The following PHF3 variants were observed in gnomAD, a reference collection of about 807,000 sequenced individuals.
The protein encoded by PHF3 is PHD finger protein 3.
Under a neutral mutation model 178.4 loss-of-function variants are expected in PHF3, and 41 were observed. The observed-to-expected ratio is 0.23, with a 90% confidence interval of 0.18 to 0.30. The LOEUF (loss-of-function observed/expected upper bound fraction) is 0.30. PHF3 is among the 10% of genes least tolerant of loss of function. The pLI is 1.00. For synonymous variants in PHF3, 842 were observed against 800.5 expected (o/e 1.05, Z -0.88); for missense variants, 2,346 against 2,398.1 (o/e 0.98, Z 0.45).
rs767776684 is a variant in PHF3 at position 63,694,714 on chromosome 6, C to T, written c.2630C>T (p.Pro877Leu). The part of the protein sequence containing the change: ...RSSEEKSEKI[P>L]KESTTVTCTG... ...TCAGAAGAAAAAAGTGAAAAAATAC[C>T]GAAAGAGTCTACAACTGTTACTTGC... Residue 877 changes from proline (P) to leucine (L), a missense_variant, in exon 6 of 16, where the codon CCG becomes CTG. By Grantham distance (98) the Pro-to-Leu change is moderately conservative. This residue lies in a region of PHF3 where 252 missense variants were observed against 232.0 expected (regional missense o/e 1.09). Transcript: ENST00000262043. The T allele has an allele frequency of 3.8e-6, 6 of 1,595,956 alleles. No homozygotes were observed. Among genetic ancestry groups the T allele is most frequent in the Admixed American group, 3.4e-5 (2 of 57,978 alleles).
At position 63,712,435 on chromosome 6, in the gene PHF3, G is replaced by A. The variant is rs1329968373; in HGVS notation, c.4847G>A (p.Cys1616Tyr). ...QDNQTSNSSP[C>Y]RSNVGKGNID... is the part of the protein sequence containing the mutation. ...AACCAGACTTCAAATAGTTCTCCATGCAGATCTAATGTAGGAAAAGGAAAC... is the reference window on the plus strand; with the variant it reads ...AACCAGACTTCAAATAGTTCTCCATACAGATCTAATGTAGGAAAAGGAAAC... Residue 1616 changes from cysteine (C) to tyrosine (Y), a missense_variant, in exon 16 of 16, where the codon TGC (cysteine) becomes TAC (tyrosine). By Grantham distance (194) the Cys-to-Tyr change is radical. This residue lies in a region of PHF3 where 839 missense variants were observed against 806.9 expected (regional missense o/e 1.04). Transcript: ENST00000262043. 2 of 1,613,864 alleles carry A rather than the reference G, an allele frequency of 1.2e-6. No individual in the cohort carries two copies. The highest frequency in any genetic ancestry group is 1.7e-6 in the Non-Finnish European group (2 of 1,179,952).
chr6:63,713,936 GT>G lies in PHF3; in HGVS notation c.*232del. On this transcript the variant is annotated 3_prime_UTR_variant, in exon 16 of 16. Coordinates refer to ENST00000262043, the MANE Select transcript of PHF3 (RefSeq NM_001370348.2). ...TTATAGGAATTTAATATTTTTAAAA[GT>G]TTTACATTGCTGTATATTCAAAGAT... 1 of 380,436 alleles carries G rather than the reference GT, an allele frequency of 2.6e-6. No individual in the cohort carries two copies. Among genetic ancestry groups the G allele is most frequent in the Non-Finnish European group, 4.6e-6 (1 of 215,426 alleles). 23.6% of individuals were successfully genotyped at this position (380,436 alleles called of 1,614,324 possible). A position where few individuals can be genotyped will look rare whatever the true frequency, so the allele number is the denominator to read the frequency against.
intron 10 of PHF3, among the ~76,000 whole-genome samples, chr6:63,702,959 C>T (rs1257385736): frequency 6.6e-6 from 1 of 152,158 alleles, no homozygotes; most frequent in African/African-American, 2.4e-5. Context: ...CTCACTGCAA[C>T]CTCCGCCTCC....
chr6:63,700,075 T>G (rs1188388358), intron 8 of PHF3, among the ~76,000 whole-genome samples: 2 of 152,186 alleles, frequency 1.3e-5, no homozygotes, highest in Admixed American at 1.3e-4. Context: ...ATTGTGTCCC[T>G]GGGTAGACTT....
At chr6:63,673,394 C>T (rs1032728604) in intron 2 of PHF3, among the ~76,000 whole-genome samples, 4 of 151,990 alleles carry the variant, frequency 2.6e-5, no homozygotes, top group Non-Finnish European at 4.4e-5. Flanking sequence ...TTATAAACCC[C>T]AACTCAGGAT....
Position 63,712,225 on chromosome 6 carries a change from G to C in PHF3, c.4637G>C (p.Gly1546Ala). The C allele has an allele frequency of 6.2e-7, 1 of 1,613,968 alleles. No homozygotes were observed. Among genetic ancestry groups the C allele is most frequent in the Non-Finnish European group, 8.5e-7 (1 of 1,179,944 alleles). ...KSAEIETSVVGSSSISAGSLT... is the reference protein window; with the variant it reads ...KSAEIETSVVASSSISAGSLT... ...GCAGAAATAGAAACATCAGTAGTAG[G>C]GTCCTCTTCCATTTCTGCAGGGTCT... Residue 1546 changes from glycine (G) to alanine (A), a missense_variant, in exon 16 of 16, where the codon GGG becomes GCG. Around this residue, in one of 8 missense-constraint regions of PHF3, gnomAD observed 839 missense variants for 806.9 expected, o/e 1.04. Coordinates refer to ENST00000262043, the MANE Select transcript of PHF3 (RefSeq NM_001370348.2).
chr6:63,695,552 G>A (rs552929909), intron 6 of PHF3, among the ~76,000 whole-genome samples: 9 of 152,118 alleles, frequency 5.9e-5, no homozygotes, highest in Non-Finnish European at 1.2e-4. Context: ...TGGGGCTATG[G>A]CAGAGTTTAT....
rs1371373885 is a variant in PHF3 at position 63,714,927 on chromosome 6, AC to A, written c.*1222del. On this transcript the variant is annotated 3_prime_UTR_variant, in exon 16 of 16. Coordinates refer to ENST00000262043, the MANE Select transcript of PHF3 (RefSeq NM_001370348.2). ...TTAATTCAAATCTAAATTTATTTAA[AC>A]CCTAAAACACATGGTTTTGATGGCT... 2 of 152,136 alleles carry A rather than the reference AC, an allele frequency of 1.3e-5. No individual in the cohort carries two copies. Among genetic ancestry groups the A allele is most frequent in the Non-Finnish European group, 2.9e-5 (2 of 67,998 alleles). The allele number at this position is 152,136 out of a possible 1,614,324, so 9.4% of individuals were successfully genotyped here. A position where few individuals can be genotyped will look rare whatever the true frequency, so the allele number is the denominator to read the frequency against.
At position 63,721,555 on chromosome 6, in the gene PHF3, C is replaced by A. The variant is rs892093060; in HGVS notation, c.*7847C>A. The A allele has an allele frequency of 1.3e-6, 2 of 1,551,812 alleles. No homozygotes were observed. Among genetic ancestry groups the A allele is most frequent in the Admixed American group, 2.0e-5 (1 of 50,986 alleles). On this transcript the variant is annotated 3_prime_UTR_variant, in exon 16 of 16. Transcript: ENST00000262043. Reference sequence around the variant, plus strand: ...GGATTTACAAGATTTAAAGAAGATACTCCTCCAATATAGAAGTCTGTATTT... The same window carrying A: ...GGATTTACAAGATTTAAAGAAGATAATCCTCCAATATAGAAGTCTGTATTT...
Position 63,722,279 on chromosome 6 carries a change from A to G in PHF3, c.*8571A>G, listed in dbSNP as rs1175350330. Among the ~76,000 whole-genome samples, 1 of 152,102 alleles carries G rather than the reference A, an allele frequency of 6.6e-6. No homozygotes were observed. The highest frequency in any genetic ancestry group is 1.5e-5 in the Non-Finnish European group (1 of 68,006). On this transcript the variant is annotated 3_prime_UTR_variant, in exon 16 of 16. Transcript: ENST00000262043. ...TAAGGATTTCATTCGCCTGTTTTCT[A>G]GGAACACTCCGCCACCCCATTCCAC...
intron 1 of PHF3, among the ~76,000 whole-genome samples, chr6:63,644,371 A>C (rs1764693948): frequency 6.6e-6 from 1 of 152,194 alleles, no homozygotes; most frequent in African/African-American, 2.4e-5. Flanking sequence ...ATTTTTAATT[A>C]CCAGAATTTA....
Position 63,703,540 on chromosome 6 carries a change from C to A in PHF3, c.3236C>A (p.Pro1079Gln), listed in dbSNP as rs1374326355. 6.2e-7 allele frequency: 1 copy of A among 1,604,246 alleles called. No individual in the cohort carries two copies. The highest frequency in any genetic ancestry group is 1.7e-5 in the Admixed American group (1 of 57,534). The change falls in exon 11 of 16, where the codon CCA becomes CAA. Residue 1079 changes from proline (P) to glutamine (Q), a missense_variant. By Grantham distance (76) the Pro-to-Gln change is moderately conservative. Around this residue, in one of 8 missense-constraint regions of PHF3, gnomAD observed 205 missense variants for 212.4 expected, o/e 0.97. Transcript: ENST00000262043. Reference protein sequence around the residue: ...EQEAAMEIQEPAANKSLEKPE... With the variant: ...EQEAAMEIQEQAANKSLEKPE... The stretch of plus-strand genomic sequence containing the variant: ...TTTTACTTTGACTTACGTTAGGAAC[C>A]AGCCGCCAATAAGTCATTGGAGAAG...
At chr6:63,666,618 G>A (rs1252942488) in intron 2 of PHF3, among the ~76,000 whole-genome samples, 1 of 151,732 alleles carries the variant, frequency 6.6e-6, no homozygotes, top group Non-Finnish European at 1.5e-5. Context: ...ATCCTCCTAT[G>A]TATTTTAAAT....
At chr6:63,694,474 A>G in intron 5 of PHF3, 107 bp from the exon 6 acceptor site, 1 of 762,258 alleles carries the variant, frequency 1.3e-6, no homozygotes, top group South Asian at 2.9e-5. Context: ...TTCGAATGAA[A>G]GAGTGAATCT....
At position 63,715,064 on chromosome 6, in the gene PHF3, A is replaced by C. The variant is rs530403436; in HGVS notation, c.*1356A>C. ...TACCTGTATTAATGAAGAAAAATAT[A>C]AATAATTCCACAAAATTGATTGTTT... On this transcript the variant is annotated 3_prime_UTR_variant, in exon 16 of 16. Transcript: ENST00000262043. 1 of 152,266 alleles carries C rather than the reference A, an allele frequency of 6.6e-6. No individual in the cohort carries two copies. Among genetic ancestry groups the C allele is most frequent in the African/African-American group, 2.4e-5 (1 of 41,582 alleles). The allele number at this position is 152,266 out of a possible 1,614,324, so 9.4% of individuals were successfully genotyped here.
Position 63,715,595 on chromosome 6 carries a change from T to C in PHF3, c.*1887T>C, listed in dbSNP as rs187705300. ...GGTCAGTTTTTGATCACCTCTTCGC[T>C]AATAGTTTTTTCTACATATCTAAAA... On this transcript the variant is annotated 3_prime_UTR_variant, in exon 16 of 16. Transcript: ENST00000262043. 1 of 152,272 alleles carries C rather than the reference T, an allele frequency of 6.6e-6. No homozygotes were observed. The highest frequency in any genetic ancestry group is 2.4e-5 in the African/African-American group (1 of 41,570). 9.4% of individuals were successfully genotyped at this position (152,272 alleles called of 1,614,324 possible).
chr6:63,721,329 C>T lies in PHF3; in HGVS notation c.*7621C>T. The T allele has an allele frequency of 6.4e-7, 1 of 1,551,996 alleles. No homozygotes were observed. The highest frequency in any genetic ancestry group is 8.7e-7 in the Non-Finnish European group (1 of 1,147,008). ...TGTATTTCCAGCCCAATCTGGCAAA[C>T]ATCTGCAAGAAAAAGTTGTGCCATT... On this transcript the variant is annotated 3_prime_UTR_variant, in exon 16 of 16. Coordinates refer to ENST00000262043, the MANE Select transcript of PHF3 (RefSeq NM_001370348.2).
chr6:63,711,412 G>A (rs1366450523), intron 15 of PHF3, 50 bp downstream of exon 15: 2 of 1,472,514 alleles, frequency 1.4e-6, no homozygotes, highest in Non-Finnish European at 9.3e-7. Flanking sequence ...CATGGGAGGT[G>A]GGACCAGAGT....
At position 63,679,988 on chromosome 6, in the gene PHF3, G is replaced by T. The variant is rs764050302; in HGVS notation, c.245-12G>T. 5 of 1,603,548 alleles carry T rather than the reference G, an allele frequency of 3.1e-6. No homozygotes were observed. The highest frequency in any genetic ancestry group is 4.3e-6 in the Non-Finnish European group (5 of 1,174,556). On this transcript the variant is annotated splice_polypyrimidine_tract_variant and intron_variant, in intron 2 of 15. Coordinates refer to ENST00000262043, the MANE Select transcript of PHF3 (RefSeq NM_001370348.2). Reference sequence around the variant, plus strand: ...ATTTTTAAAAGTTAATTTTTTTGTCGTTTTTTTCTAGTTGTTGGTCTTGAC... The same window carrying T: ...ATTTTTAAAAGTTAATTTTTTTGTCTTTTTTTTCTAGTTGTTGGTCTTGAC...
Sources: allele counts gnomAD v4.1 joint callset (sites outside exome capture counted in the v4.1 genomes callset), GRCh38; gene constraint gnomAD v4.1.1; regional missense constraint gnomAD v4.1.1; transcripts MANE v1.5; gene names NCBI Gene and HGNC (gene_info 2026-07-23, HGNC 2026-07-21).